The following PLXDC2 variants were observed in gnomAD, a reference collection of about 807,000 sequenced individuals.
PLXDC2 encodes plexin domain-containing protein 2.
In PLXDC2, 40 loss-of-function variants were observed where a neutral mutation model predicts 68.9. That is an observed-to-expected ratio of 0.58 (90% CI 0.45 to 0.76). The LOEUF is 0.76. Ranked by LOEUF, PLXDC2 falls within the 30% of genes least tolerant of loss-of-function variation. PLXDC2 has a pLI of 0.00. For missense variants in PLXDC2, 644 were observed against 661.9 expected, an observed-to-expected ratio of 0.97 and a Z score of 0.30; for synonymous variants, 243 against 234.2, an observed-to-expected ratio of 1.04 and a Z score of -0.34.
intron 1 of PLXDC2, among the ~76,000 whole-genome samples, chr10:19,916,285 A>G (rs1833364780): frequency 8.0e-6 from 1 of 125,360 alleles, no homozygotes; most frequent in South Asian, 2.5e-4. Flanking sequence ...AGCTGGGATT[A>G]CAGGGGCACC....
chr10:19,832,684 A>G (rs769591674), intron 1 of PLXDC2, among the ~76,000 whole-genome samples: 21 of 152,220 alleles, frequency 1.4e-4, no homozygotes, highest in African/African-American at 4.6e-4. Flanking sequence ...GTTTCTATAT[A>G]TAAGGGGTGT....
chr10:19,855,187 AC>A (rs1454541969), intron 1 of PLXDC2, among the ~76,000 whole-genome samples: 1 of 151,862 alleles, frequency 6.6e-6, no homozygotes, highest in Non-Finnish European at 1.5e-5. Context: ...TTATGAGAGA[AC>A]TGTATAAATA....
At chr10:20,173,748 GA>G (rs1403901462) in intron 7 of PLXDC2, among the ~76,000 whole-genome samples, 1 of 152,196 alleles carries the variant, frequency 6.6e-6, no homozygotes, top group Non-Finnish European at 1.5e-5. Flanking sequence ...GAAGACCCAT[GA>G]GCGAAATATA....
chr10:19,856,185 T>A (rs2131330744), intron 1 of PLXDC2, among the ~76,000 whole-genome samples: 1 of 152,292 alleles, frequency 6.6e-6, no homozygotes, highest in African/African-American at 2.4e-5. Flanking sequence ...TTTTGTCAAT[T>A]CATATATTTA....
At chr10:20,005,962 C>T (rs913321339) in intron 2 of PLXDC2, among the ~76,000 whole-genome samples, 9 of 152,032 alleles carry the variant, frequency 5.9e-5, no homozygotes, top group African/African-American at 1.9e-4. Context: ...GGCTGAAGTG[C>T]GCAGATCACC....
rs995386228 is a variant in PLXDC2, at chr10:19,940,226, A to G, written c.113-61549A>G. Among the ~76,000 whole-genome samples, 16 of 152,076 alleles carry G rather than the reference A, an allele frequency of 1.1e-4. 1 individual carries two copies. The highest frequency in any genetic ancestry group is 3.6e-4 in the African/African-American group (15 of 41,400). ...TTACTTTATTTAAAATATAGTGAAG[A>G]ACCTTGAACATAGTCATGTGATTTG... On this transcript the variant is annotated intron_variant, in intron 1 of 13. Coordinates refer to ENST00000377252, the MANE Select transcript of PLXDC2 (RefSeq NM_032812.9).
chr10:19,853,652 T>TGGGGG (rs10563076), intron 1 of PLXDC2, among the ~76,000 whole-genome samples: 40 of 129,000 alleles, frequency 3.1e-4, no homozygotes, highest in Non-Finnish European at 4.4e-4. Flanking sequence ...CTGCTTTGGG[T>TGGGGG]GGGGGGGGGG....
intron 10 of PLXDC2, among the ~76,000 whole-genome samples, chr10:20,215,029 G>T (rs1835117667): frequency 6.6e-6 from 1 of 152,178 alleles, no homozygotes. Context: ...GTTCATTGCA[G>T]TCATGGGTGT....
chr10:20,093,614 G>A (rs537891575), intron 4 of PLXDC2, among the ~76,000 whole-genome samples: 54 of 152,218 alleles, frequency 3.5e-4, no homozygotes, highest in African/African-American at 1.1e-3. Context: ...TAGTTTATAC[G>A]TAAGTTACCA....
At chr10:20,152,678 A>G (rs1834167158) in intron 6 of PLXDC2, among the ~76,000 whole-genome samples, 1 of 152,082 alleles carries the variant, frequency 6.6e-6, no homozygotes, top group Non-Finnish European at 1.5e-5. Flanking sequence ...TTCCTTGACT[A>G]TATTAATAAC....
At position 20,046,786 on chromosome 10, in the gene PLXDC2, T is replaced by A. The variant is rs542955789; in HGVS notation, c.325-83T>A. 12 of 1,374,116 alleles carry A rather than the reference T, an allele frequency of 8.7e-6. No homozygotes were observed. The African/African-American group carries it at 1.2e-4, about 13-fold the overall frequency. The allele number at this position is 1,374,116 out of a possible 1,614,324, so 85.1% of individuals were successfully genotyped here. On this transcript the variant is annotated intron_variant, in intron 2 of 13. Transcript: ENST00000377252. ...TTGCTCTTTTAAAAACTATTAATAC[T>A]CTTGAGTTCAATAGGATTTTTTTTA... is the stretch of plus-strand genomic sequence containing the variant.
At position 20,219,095 on chromosome 10, in the gene PLXDC2, T is replaced by C. The variant is rs748617281; in HGVS notation, c.1305T>C (p.Asp435=). The change falls in exon 12 of 14, where the codon GAT becomes GAC. Residue 435 remains aspartate (D), a synonymous_variant. Transcript: ENST00000377252. ...DDTKIALHLK[D]NGASTDDSAA... The stretch of plus-strand genomic sequence containing the variant: ...CCAAGATAGCACTACATCTAAAAGA[T>C]AATGGAGGTAGGAATTGATACTTTT... 12 of 1,606,128 alleles carry C rather than the reference T, an allele frequency of 7.5e-6. 1 individual carries two copies. In the South Asian group the frequency reaches 1.2e-4, roughly 16 times the overall value.
chr10:20,184,602 A>G (rs1223990740), intron 9 of PLXDC2, among the ~76,000 whole-genome samples: 1 of 151,856 alleles, frequency 6.6e-6, no homozygotes, highest in African/African-American at 2.4e-5. Context: ...CTGCATTCAT[A>G]TCATATGCTC....
intron 1 of PLXDC2, among the ~76,000 whole-genome samples, chr10:19,992,687 A>G (rs1284579524): frequency 1.3e-5 from 2 of 152,212 alleles, no homozygotes; most frequent in Admixed American, 1.3e-4. Context: ...ATATTTCAAG[A>G]TATAATAGAA....
chr10:19,971,597 G>T (rs1052670288), intron 1 of PLXDC2, among the ~76,000 whole-genome samples: 3 of 152,144 alleles, frequency 2.0e-5, no homozygotes, highest in Non-Finnish European at 2.9e-5. Context: ...CAAATGAGCA[G>T]CTTCTGGGCA....
At chr10:19,846,002 G>C (rs1386368765) in intron 1 of PLXDC2, among the ~76,000 whole-genome samples, 1 of 152,114 alleles carries the variant, frequency 6.6e-6, no homozygotes, top group Non-Finnish European at 1.5e-5. Context: ...TCCTACCTCA[G>C]TAGGTCTCTA....
chr10:20,148,296 G>C (rs947889814), intron 6 of PLXDC2, among the ~76,000 whole-genome samples: 26 of 146,742 alleles, frequency 1.8e-4, no homozygotes, highest in African/African-American at 6.6e-4. Flanking sequence ...TGATTTCTTT[G>C]TTATATTTTG....
At chr10:19,936,107 A>C (rs1029582950) in intron 1 of PLXDC2, among the ~76,000 whole-genome samples, 1 of 152,196 alleles carries the variant, frequency 6.6e-6, no homozygotes, top group African/African-American at 2.4e-5. Flanking sequence ...TTGAAGTCTA[A>C]TTTGCATATA....
intron 1 of PLXDC2, among the ~76,000 whole-genome samples, chr10:19,924,842 C>A (rs1833512709): frequency 6.6e-6 from 1 of 152,146 alleles, no homozygotes. Context: ...ATAAAGGTGA[C>A]AGGTTAGTGC....
Sources: gnomAD v4.1 joint callset for allele counts (sites outside exome capture counted in the v4.1 genomes callset) on GRCh38, gnomAD v4.1.1 for gene constraint, MANE v1.5 for transcripts, NCBI Gene and HGNC (gene_info 2026-07-23, HGNC 2026-07-21) for gene names.